The following TBC1D19 variants were observed in gnomAD, a reference collection of about 807,000 sequenced individuals.
TBC1D19 encodes the protein TBC1 domain family member 19, also known as TBC1 domain family, member 19.
TBC1D19 carries 60 observed loss-of-function variants against 89.0 expected under a neutral mutation model. The observed-to-expected ratio is 0.67, with a 90% CI of 0.55 to 0.84. The LOEUF is 0.84. Among genes scored for constraint, TBC1D19 ranks in the 40% least tolerant of loss-of-function variants. The pLI is 0.00. For missense variants in TBC1D19, 500 were observed against 610.8 expected, an observed-to-expected ratio of 0.82 and a Z score of 1.91; for synonymous variants, 189 against 199.7, an observed-to-expected ratio of 0.95 and a Z score of 0.45.
intron 1 of TBC1D19, among the ~76,000 whole-genome samples, chr4:26,604,233 C>A (rs13121299): frequency 0.46 from 67,075 of 147,176 alleles, 16,987 homozygotes; most frequent in Admixed American, 0.6. Flanking sequence ...GGCTCACTGC[C>A]AGCTCTGCCT....
intron 7 of TBC1D19, among the ~76,000 whole-genome samples, chr4:26,655,144 C>T (rs1351520853): frequency 6.6e-6 from 1 of 152,198 alleles, no homozygotes; most frequent in Non-Finnish European, 1.5e-5. Context: ...CCACACCAGA[C>T]CCTATTTGCC....
At chr4:26,624,030 A>G (rs1363751021) in intron 4 of TBC1D19, among the ~76,000 whole-genome samples, 1 of 152,158 alleles carries the variant, frequency 6.6e-6, no homozygotes, top group Non-Finnish European at 1.5e-5. Flanking sequence ...CCGATTCCAG[A>G]GCCCAGCATT....
chr4:26,584,006 CT>C (rs1049319366), upstream of TBC1D19: 2 of 596,894 alleles, frequency 3.4e-6, no homozygotes, highest in African/African-American at 1.9e-5. Context: ...ATGCTGTGGC[CT>C]TCAGGCGCTG....
At chr4:26,787,206 A>T in the TBC1D19 span, among the ~76,000 whole-genome samples, 4 of 149,978 alleles carry the variant, frequency 2.7e-5, no homozygotes, top group African/African-American at 7.4e-5. Context: ...GAGCTCAAGC[A>T]TTCTCATGCC....
the TBC1D19 span, among the ~76,000 whole-genome samples, chr4:26,789,637 C>G: frequency 6.6e-6 from 1 of 152,148 alleles, no homozygotes; most frequent in African/African-American, 2.4e-5. Context: ...TCATGGAAAA[C>G]AGTATGGAGA....
Position 26,742,244 on chromosome 4 carries a change from T to C in TBC1D19, c.1228-264T>C, listed in dbSNP as rs145472359. Among the ~76,000 whole-genome samples, 3 of 152,348 alleles carry C rather than the reference T, an allele frequency of 2.0e-5. No individual in the cohort carries two copies. In the East Asian group the frequency reaches 5.8e-4, roughly 29 times the overall value. ...TTCCTTGGACTCTCCAAATATTATA[T>C]ACTGGTTTATGTGGGGAGCATATTG... On this transcript the variant is annotated intron_variant, in intron 17 of 20. Coordinates refer to ENST00000264866, the MANE Select transcript of TBC1D19 (RefSeq NM_018317.4).
intron 1 of TBC1D19, among the ~76,000 whole-genome samples, chr4:26,591,074 CT>C (rs34424313): frequency 0.45 from 68,476 of 150,730 alleles, 17,268 homozygotes; most frequent in Admixed American, 0.6. Context: ...TCCCTTCCCC[CT>C]GAGACTCCGG....
chr4:26,706,537 T>C (rs190008761), intron 13 of TBC1D19, among the ~76,000 whole-genome samples: 6 of 152,136 alleles, frequency 3.9e-5, no homozygotes, highest in African/African-American at 9.6e-5. Flanking sequence ...TTATCTCTGC[T>C]CTACTTTTTA....
At chr4:26,610,683 A>T (rs1371692479) in intron 1 of TBC1D19, among the ~76,000 whole-genome samples, 1 of 151,952 alleles carries the variant, frequency 6.6e-6, no homozygotes, top group Non-Finnish European at 1.5e-5. Flanking sequence ...GTTTCCACTT[A>T]TAAGTGGGAA....
chr4:26,640,191 G>C lies in TBC1D19; in HGVS notation c.480+4G>C. ...TGCACCTAAGGATTTTCTTGAGGTA[G>C]GTTCTATTGGATAAATACACATATA... On this transcript the variant is annotated splice_donor_region_variant and intron_variant, in intron 7 of 20. Coordinates refer to ENST00000264866, the MANE Select transcript of TBC1D19 (RefSeq NM_018317.4). 3.1e-6 allele frequency: 5 copies of C among 1,600,288 alleles called. No homozygotes were observed. Among genetic ancestry groups the C allele is most frequent in the Non-Finnish European group, 4.3e-6 (5 of 1,168,494 alleles).
At chr4:26,593,402 G>C (rs77428246) in intron 1 of TBC1D19, among the ~76,000 whole-genome samples, 55,286 of 151,870 alleles carry the variant, frequency 0.36, 11,351 homozygotes, top group Non-Finnish European at 0.47. Context: ...GAAAACCTAG[G>C]CAATACCATT....
the TBC1D19 span, among the ~76,000 whole-genome samples, chr4:26,831,578 C>CT: frequency 0.094 from 11,531 of 123,172 alleles, 534 homozygotes; most frequent in African/African-American, 0.19. Flanking sequence ...TCTTTTTCTT[C>CT]TTTTTTTTTT....
At chr4:26,642,505 G>C (rs976976742) in intron 7 of TBC1D19, among the ~76,000 whole-genome samples, 1 of 152,208 alleles carries the variant, frequency 6.6e-6, no homozygotes, top group African/African-American at 2.4e-5. Context: ...TCGATGCTAA[G>C]AAGAAACTGC....
At chr4:26,759,897 A>G (rs1014898525), downstream of TBC1D19, among the ~76,000 whole-genome samples, 3 of 152,198 alleles carry the variant, frequency 2.0e-5, no homozygotes, top group Non-Finnish European at 2.9e-5. Context: ...TGGGTGTATT[A>G]TGGATACAGC....
intron 4 of TBC1D19, among the ~76,000 whole-genome samples, chr4:26,623,380 T>C (rs1258626761): frequency 6.6e-6 from 1 of 152,238 alleles, no homozygotes; most frequent in East Asian, 1.9e-4. Context: ...TATTTGTTAT[T>C]CATTGTCTGT....
chr4:26,774,933 T>C, the TBC1D19 span, among the ~76,000 whole-genome samples: 1 of 152,236 alleles, frequency 6.6e-6, no homozygotes, highest in Admixed American at 6.5e-5. Context: ...TTCAGCCTTT[T>C]GTAAGGTTAA....
chr4:26,617,445 A>G (rs1001715907), intron 3 of TBC1D19, among the ~76,000 whole-genome samples: 2 of 152,366 alleles, frequency 1.3e-5, no homozygotes, highest in East Asian at 1.9e-4. Flanking sequence ...TCCAAAGCCC[A>G]TACATTTTAC....
the TBC1D19 span, among the ~76,000 whole-genome samples, chr4:26,834,995 G>A: frequency 6.6e-6 from 1 of 152,142 alleles, no homozygotes; most frequent in Non-Finnish European, 1.5e-5. Flanking sequence ...TACTCCCTGT[G>A]GTAGGCAGAA....
intron 4 of TBC1D19, among the ~76,000 whole-genome samples, chr4:26,634,257 C>T (rs560764847): frequency 1.3e-5 from 2 of 152,162 alleles, no homozygotes; most frequent in South Asian, 4.2e-4. Flanking sequence ...TGTTTTCTTG[C>T]AATGTCATGA....
Sources: gnomAD v4.1 joint callset for allele counts (sites outside exome capture counted in the v4.1 genomes callset) on GRCh38, gnomAD v4.1.1 for gene constraint, MANE v1.5 for transcripts, NCBI Gene and HGNC (gene_info 2026-07-23, HGNC 2026-07-21) for gene names.